The following ZCCHC14 variants were observed in gnomAD, a reference collection of about 807,000 sequenced individuals.
The protein encoded by ZCCHC14 is zinc finger CCHC-type containing 14, also known as zinc finger CCHC domain-containing protein 14.
In ZCCHC14, 16 loss-of-function variants were observed where a neutral mutation model predicts 85.0. The ratio of observed to expected loss-of-function variants is 0.19; its 90% confidence interval spans 0.13 to 0.29. ZCCHC14 has a LOEUF of 0.29. Among genes scored for constraint, ZCCHC14 ranks in the 10% least tolerant of loss-of-function variants. The pLI is 1.00. For synonymous variants in ZCCHC14, 775 were observed against 630.7 expected (o/e 1.23, Z -3.43); for missense variants, 1,303 against 1,443.5 (o/e 0.90, Z 1.58).
At chr16:87,437,917 A>C (rs1470681927) in intron 2 of ZCCHC14, among the ~76,000 whole-genome samples, 4 of 152,250 alleles carry the variant, frequency 2.6e-5, no homozygotes. Context: ...GTCCAACTGC[A>C]CCACACCACG....
intron 3 of ZCCHC14, among the ~76,000 whole-genome samples, chr16:87,429,378 T>C (rs930215513): frequency 3.3e-5 from 5 of 152,192 alleles, no homozygotes; most frequent in Non-Finnish European, 5.9e-5. Context: ...AGGGTCTCAC[T>C]GTTGCCCAGG....
chr16:87,410,766 G>A (rs1000335405), intron 12 of ZCCHC14, among the ~76,000 whole-genome samples: 2 of 152,172 alleles, frequency 1.3e-5, no homozygotes, highest in African/African-American at 2.4e-5. Context: ...CTTGCCTGCA[G>A]GCCTGCTGAG....
At position 87,411,967 on chromosome 16, in the gene ZCCHC14, G is replaced by C; in HGVS notation, c.2754C>G (p.Pro918=). 6.2e-7 allele frequency: 1 copy of C among 1,602,710 alleles called. No individual in the cohort carries two copies. Among genetic ancestry groups the C allele is most frequent in the Non-Finnish European group, 8.5e-7 (1 of 1,175,658 alleles). ...ACGTGCACACAATGCAGCCTGGCGG[G>C]GGTGGGGCGGGCTGCGGGGGTGCCG... The part of the protein sequence containing the change: ...QPPAPPQPAP[P]PPGCIVCTSC... Residue 918 remains proline, a synonymous_variant, in exon 12 of 13, where the codon CCC becomes CCG. Coordinates refer to ENST00000671377, the MANE Select transcript of ZCCHC14 (RefSeq NM_015144.3).
At chr16:87,462,831 A>C (rs1159419538) in intron 1 of ZCCHC14, among the ~76,000 whole-genome samples, 1 of 152,068 alleles carries the variant, frequency 6.6e-6, no homozygotes, top group Non-Finnish European at 1.5e-5. Flanking sequence ...GCACTTTGGG[A>C]GGCCGAGGCA....
chr16:87,417,350 G>A (rs1342199283), intron 8 of ZCCHC14, 110 bp downstream of exon 8: 5 of 1,478,712 alleles, frequency 3.4e-6, no homozygotes, highest in South Asian at 2.6e-5. Context: ...GCTGCGCCTC[G>A]GCCTCCGTAC....
chr16:87,448,785 C>G (rs924895351), intron 2 of ZCCHC14, among the ~76,000 whole-genome samples: 2 of 152,208 alleles, frequency 1.3e-5, no homozygotes, highest in African/African-American at 4.8e-5. Flanking sequence ...TCAAAAAGAT[C>G]AGCCTCTGTT....
intron 2 of ZCCHC14, among the ~76,000 whole-genome samples, chr16:87,444,482 CTATT>C (rs1484961219): frequency 3.3e-5 from 5 of 152,108 alleles, no homozygotes; most frequent in Admixed American, 6.5e-5. Flanking sequence ...AAGAAACAGA[CTATT>C]TATCTAGTTA....
At chr16:87,459,006 C>A (rs1911118985) in intron 2 of ZCCHC14, among the ~76,000 whole-genome samples, 1 of 152,172 alleles carries the variant, frequency 6.6e-6, no homozygotes, top group East Asian at 1.9e-4. Context: ...ACCTTACTCT[C>A]CCCTCCCCAA....
intron 3 of ZCCHC14, among the ~76,000 whole-genome samples, chr16:87,427,739 G>C (rs183926308): frequency 7.5e-4 from 114 of 152,234 alleles, no homozygotes; most frequent in African/African-American, 2.5e-3. Context: ...CCAGGCTCAA[G>C]TGATCCTCCC....
intron 2 of ZCCHC14, among the ~76,000 whole-genome samples, chr16:87,457,977 G>A (rs141829507): frequency 8.8e-4 from 134 of 152,154 alleles, no homozygotes; most frequent in African/African-American, 3.0e-3. Flanking sequence ...CCTCAGAGCC[G>A]ACCCGCCAGC....
At chr16:87,440,763 T>C (rs1180748665) in intron 2 of ZCCHC14, among the ~76,000 whole-genome samples, 6 of 151,806 alleles carry the variant, frequency 4.0e-5, no homozygotes, top group Admixed American at 3.9e-4. Context: ...TGCATCACCA[T>C]GCCCAGCCGA....
chr16:87,456,532 C>CTAAA (rs1567531853), intron 2 of ZCCHC14, among the ~76,000 whole-genome samples: 1 of 7,836 alleles, frequency 1.3e-4, no homozygotes, highest in Non-Finnish European at 1.8e-3. Context: ...GACTCTGTCT[C>CTAAA]CAAAAAAAAA....
intron 3 of ZCCHC14, 25 bp downstream of exon 3, chr16:87,433,103 A>C (rs918699795): frequency 4.3e-6 from 7 of 1,610,444 alleles, no homozygotes; most frequent in Non-Finnish European, 5.9e-6. Context: ...TCCAGGAGAG[A>C]GGGGAAAAAA....
Position 87,425,385 on chromosome 16 carries a change from T to C in ZCCHC14, c.769-1504A>G, listed in dbSNP as rs373598173. ...TGAGGTCAGGAGTTCAAGACCAGCC[T>C]GACCAACGTGGAGAAACCCCGTCTC... On this transcript the variant is annotated intron_variant, in intron 3 of 12. Coordinates refer to ENST00000671377, the MANE Select transcript of ZCCHC14 (RefSeq NM_015144.3). 3.9e-5 allele frequency among the ~76,000 whole-genome samples: 6 copies of C among 152,222 alleles called. No individual in the cohort carries two copies. The East Asian group carries it at 7.7e-4, about 20-fold the overall frequency.
At chr16:87,468,368 AGAGTAT>A (rs1911625269) in intron 1 of ZCCHC14, among the ~76,000 whole-genome samples, 1 of 152,152 alleles carries the variant, frequency 6.6e-6, no homozygotes, top group Admixed American at 6.5e-5. Flanking sequence ...TAAATTCAGG[AGAGTAT>A]GTGTCATCAC....
chr16:87,419,038 C>A, intron 6 of ZCCHC14, 137 bp from the exon 7 acceptor site: 1 of 731,348 alleles, frequency 1.4e-6, no homozygotes, highest in Non-Finnish European at 2.1e-6. Context: ...CTCACTGCAA[C>A]CTCTGCCTCC....
At chr16:87,485,803 T>C (rs576778213) in intron 1 of ZCCHC14, among the ~76,000 whole-genome samples, 6 of 152,268 alleles carry the variant, frequency 3.9e-5, no homozygotes, top group South Asian at 2.1e-4. Flanking sequence ...TGTAGATTTG[T>C]TGGAAAAGCA....
chr16:87,487,464 C>G (rs536750944), intron 1 of ZCCHC14, among the ~76,000 whole-genome samples: 1 of 152,170 alleles, frequency 6.6e-6, no homozygotes, highest in Non-Finnish European at 1.5e-5. Context: ...TGCACCAGCC[C>G]GGAGGCTCTG....
intron 2 of ZCCHC14, among the ~76,000 whole-genome samples, chr16:87,451,207 T>G (rs1442875874): frequency 7.0e-6 from 1 of 143,522 alleles, no homozygotes; most frequent in African/African-American, 2.6e-5. Flanking sequence ...GCCTTTTTTT[T>G]TTTTTTGAGA....
Sources: gnomAD v4.1 joint callset for allele counts (sites outside exome capture counted in the v4.1 genomes callset) on GRCh38, gnomAD v4.1.1 for gene constraint, MANE v1.5 for transcripts, NCBI Gene and HGNC (gene_info 2026-07-23, HGNC 2026-07-21) for gene names.